C8orf90: variants seen among roughly 807,000 people sequenced by gnomAD.
The protein encoded by C8orf90 is chromosome 8 open reading frame 90, also known as uncharacterized protein C8orf90.
chr8:141,515,187 T>C, the C8orf90 span, among the ~76,000 whole-genome samples: 4 of 32,866 alleles, frequency 1.2e-4, no homozygotes, highest in Non-Finnish European at 1.4e-4. Context: ...CTCACCCATC[T>C]ATCCACCCAT....
the C8orf90 span, chr8:141,518,212 G>A: frequency 6.9e-6 from 4 of 577,578 alleles, no homozygotes; most frequent in Admixed American, 3.2e-5. Context: ...CCCTCCGCCC[G>A]CAGGTCCCGC....
chr8:141,516,141 G>T, the C8orf90 span, among the ~76,000 whole-genome samples: 2 of 152,124 alleles, frequency 1.3e-5, no homozygotes, highest in East Asian at 3.9e-4. Context: ...CCCAACTCAC[G>T]CTGTCACTCC....
At chr8:141,518,256 C>G in the C8orf90 span, 6 of 621,750 alleles carry the variant, frequency 9.7e-6, no homozygotes, top group East Asian at 1.7e-4. Flanking sequence ...CGGACATCTA[C>G]GGCGGGGACG....
At chr8:141,518,695 G>T in the C8orf90 span, 1 of 528,108 alleles carries the variant, frequency 1.9e-6, no homozygotes, top group Non-Finnish European at 3.3e-6. Context: ...CCGCTGCCCC[G>T]AGAGCGAACA....
chr8:141,516,705 G>A, the C8orf90 span, among the ~76,000 whole-genome samples: 1 of 151,988 alleles, frequency 6.6e-6, no homozygotes, highest in Non-Finnish European at 1.5e-5. Context: ...CTCCAGCCTC[G>A]ACCCCTCTAC....
At chr8:141,518,156 C>T in the C8orf90 span, 96 of 530,598 alleles carry the variant, frequency 1.8e-4, no homozygotes, top group Admixed American at 4.2e-5. Flanking sequence ...CTCCCGCCTG[C>T]GCGGGCCGCT....
At chr8:141,518,432 C>T in the C8orf90 span, 1 of 667,636 alleles carries the variant, frequency 1.5e-6, no homozygotes, top group South Asian at 1.6e-5. Flanking sequence ...TTCTACGACC[C>T]CCGCGACCGC....
the C8orf90 span, chr8:141,518,508 C>G: frequency 1.7e-6 from 1 of 602,306 alleles, no homozygotes; most frequent in Non-Finnish European, 2.9e-6. Flanking sequence ...GGCCCCTGCA[C>G]GCCACGGCCC....
the C8orf90 span, among the ~76,000 whole-genome samples, chr8:141,517,885 C>A: frequency 6.6e-6 from 1 of 152,338 alleles, no homozygotes; most frequent in African/African-American, 2.4e-5. Context: ...CTCGCTCAGT[C>A]CCCACGTGGT....
the C8orf90 span, chr8:141,514,712 C>A: frequency 1.4e-6 from 1 of 701,856 alleles, no homozygotes; most frequent in Non-Finnish European, 2.6e-6. Context: ...CTCCTCTTGT[C>A]CTGGGACCCC....
the C8orf90 span, chr8:141,514,740 C>A: frequency 1.4e-6 from 1 of 701,576 alleles, no homozygotes; most frequent in Non-Finnish European, 2.6e-6. Flanking sequence ...GCAGGTCTGC[C>A]CCCTCCTTCT....
chr8:141,516,752 T>C, the C8orf90 span, among the ~76,000 whole-genome samples: 1 of 152,172 alleles, frequency 6.6e-6, no homozygotes, highest in Non-Finnish European at 1.5e-5. Context: ...GAGCGGATCT[T>C]CTCCAGCCTC....
chr8:141,518,183 C>A, the C8orf90 span: 4 of 542,756 alleles, frequency 7.4e-6, no homozygotes, highest in Non-Finnish European at 1.3e-5. Flanking sequence ...CCTCCCCGCC[C>A]TGCCGGGCGT....
chr8:141,517,656 C>T, the C8orf90 span, among the ~76,000 whole-genome samples: 1 of 152,246 alleles, frequency 6.6e-6, no homozygotes, highest in African/African-American at 2.4e-5. Flanking sequence ...CTCCCTGTCT[C>T]TGTCTACAAG....
the C8orf90 span, among the ~76,000 whole-genome samples, chr8:141,517,495 C>T: frequency 3.9e-5 from 6 of 152,176 alleles, no homozygotes; most frequent in African/African-American, 1.4e-4. Context: ...ACGTGGGTGC[C>T]TTCTGGGGAC....
the C8orf90 span, chr8:141,518,385 C>T: frequency 7.4e-6 from 5 of 676,272 alleles, no homozygotes; most frequent in African/African-American, 3.7e-5. Context: ...TCCCGTTCGC[C>T]TGGCCGCCGG....
At chr8:141,518,278 G>T in the C8orf90 span, 1 of 659,384 alleles carries the variant, frequency 1.5e-6, no homozygotes. Flanking sequence ...GCAGCTCTGG[G>T]AGGCGCATTT....
the C8orf90 span, chr8:141,518,722 TC>T: frequency 2.2e-6 from 1 of 462,606 alleles, no homozygotes; most frequent in South Asian, 3.5e-5. Flanking sequence ...ATAAAGAGTT[TC>T]CCCAGCTCTC....
the C8orf90 span, among the ~76,000 whole-genome samples, chr8:141,517,295 G>A: frequency 6.6e-6 from 1 of 152,358 alleles, no homozygotes; most frequent in South Asian, 2.1e-4. Context: ...GCCTGGTCTG[G>A]CTCCTGTGTC....
Sources: allele counts gnomAD v4.1 joint callset (sites outside exome capture counted in the v4.1 genomes callset), GRCh38; gene constraint gnomAD v4.1.1; transcripts MANE v1.5; gene names NCBI Gene and HGNC (gene_info 2026-07-23, HGNC 2026-07-21).